Variants in CFH observed in about 807,000 individuals in gnomAD.
The protein encoded by CFH is H factor 1 (complement).
Under a neutral mutation model 147.3 loss-of-function variants are expected in CFH, and 53 were observed. The ratio of observed to expected loss-of-function variants is 0.36; its 90% CI spans 0.29 to 0.45. The LOEUF is 0.45. Ranked by LOEUF, CFH falls within the 20% of genes least tolerant of loss-of-function variation. The pLI is 1.00. For missense variants in CFH, 1,380 were observed against 1,498.0 expected (o/e 0.92, Z 1.30); for synonymous variants, 536 against 489.4 (o/e 1.10, Z -1.26).
intron 6 of CFH, among the ~76,000 whole-genome samples, chr1:196,680,698 C>A (rs1169509806): frequency 1.3e-5 from 2 of 151,816 alleles, no homozygotes; most frequent in East Asian, 3.9e-4. Context: ...TACTGCCATA[C>A]TGTGAGAGAA....
At chr1:196,693,055 T>A (rs1338950920) in intron 9 of CFH, among the ~76,000 whole-genome samples, 2 of 151,938 alleles carry the variant, frequency 1.3e-5, no homozygotes, top group Non-Finnish European at 2.9e-5. Flanking sequence ...TGTCATATAA[T>A]TAACAAGTCT....
At chr1:196,718,773 G>A (rs1002237002) in intron 11 of CFH, among the ~76,000 whole-genome samples, 3 of 152,026 alleles carry the variant, frequency 2.0e-5, no homozygotes, top group Admixed American at 6.6e-5. Flanking sequence ...TTGGAGTGGC[G>A]GACATAGCAG....
chr1:196,655,218 G>T (rs1053993521), intron 1 of CFH, among the ~76,000 whole-genome samples: 1 of 152,102 alleles, frequency 6.6e-6, no homozygotes, highest in Non-Finnish European at 1.5e-5. Flanking sequence ...ATGTTGATGA[G>T]GATAAGAATA....
chr1:196,737,621 T>C lies in CFH; in HGVS notation c.2743T>C (p.Cys915Arg). ...GATATCTGAAGAAAATGAAACAACA[T>C]GCTACATGGGAAAATGGAGTTCTCC... ...FRISEENETT[C>R]YMGKWSSPPQ... The change falls in exon 17 of 22, where the codon TGC (cysteine) becomes CGC (arginine). Residue 915 changes from cysteine (C) to arginine (R), a missense_variant. Cys to Arg is a radical substitution (Grantham distance 180). Transcript: ENST00000367429. The C allele has an allele frequency of 6.2e-7, 1 of 1,613,452 alleles. No homozygotes were observed. The highest frequency in any genetic ancestry group is 8.5e-7 in the Non-Finnish European group (1 of 1,179,616).
chr1:196,689,713 A>G, intron 8 of CFH, 99 bp downstream of exon 8: 2 of 1,322,516 alleles, frequency 1.5e-6, no homozygotes, highest in Non-Finnish European at 2.2e-6. Context: ...TGTAACAGAA[A>G]TAGGGCCAAG....
chr1:196,708,587 C>T (rs1668650143), intron 9 of CFH, among the ~76,000 whole-genome samples: 2 of 147,388 alleles, frequency 1.4e-5, no homozygotes, highest in Admixed American at 1.4e-4. Flanking sequence ...ATCCCTAGTT[C>T]AATTCCATTT....
chr1:196,656,619 A>G (rs1666699795), intron 1 of CFH, among the ~76,000 whole-genome samples: 1 of 150,992 alleles, frequency 6.6e-6, no homozygotes, highest in African/African-American at 2.4e-5. Context: ...TCTTTCGCTC[A>G]TTCATTTTTC....
Position 196,715,759 on chromosome 1 carries a change from C to T in CFH, c.1686C>T (p.Pro562=), listed in dbSNP as rs1167576251. The T allele has an allele frequency of 1.2e-6, 2 of 1,610,948 alleles. No homozygotes were observed. Among genetic ancestry groups the T allele is most frequent in the Non-Finnish European group, 1.7e-6 (2 of 1,177,944 alleles). The change falls in exon 11 of 22, where the codon CCC becomes CCT. Residue 562 remains proline, a synonymous_variant. Coordinates refer to ENST00000367429, the MANE Select transcript of CFH (RefSeq NM_000186.4). ...VCGYNGWSDL[P]ICYERECELP... is the part of the protein sequence containing the mutation. ...GTTACAATGGTTGGTCTGATTTACC[C>T]ATATGTTATGGTAAGTACTGGTTTT...
chr1:196,657,800 T>C (rs1170331899), intron 1 of CFH, among the ~76,000 whole-genome samples: 1 of 151,982 alleles, frequency 6.6e-6, no homozygotes, highest in Middle Eastern at 3.2e-3. Flanking sequence ...TACTGTTTTT[T>C]ATGCACAAAA....
In CFH at chr1:196,737,664, A is replaced by G. The variant is rs756087220; in HGVS notation, c.2782+4A>G. Reference sequence around the variant, plus strand: ...AGTTCTCCACCTCAGTGTGAAGGTTAGGCCAATATGAATACTCAATTTCTG... The same window carrying G: ...AGTTCTCCACCTCAGTGTGAAGGTTGGGCCAATATGAATACTCAATTTCTG... On this transcript the variant is annotated splice_donor_region_variant and intron_variant, in intron 17 of 21. Coordinates refer to ENST00000367429, the MANE Select transcript of CFH (RefSeq NM_000186.4). The G allele has an allele frequency of 1.9e-6, 3 of 1,612,010 alleles. No homozygotes were observed. The Admixed American group carries it at 5.0e-5, about 27-fold the overall frequency.
rs540046970 is a variant in CFH at position 196,727,888 on chromosome 1, G to C, written c.2237-458G>C. Among the ~76,000 whole-genome samples, 11 of 152,218 alleles carry C rather than the reference G, an allele frequency of 7.2e-5. No individual in the cohort carries two copies. The South Asian group carries it at 1.0e-3, about 14-fold the overall frequency. On this transcript the variant is annotated intron_variant, in intron 14 of 21. Coordinates refer to ENST00000367429, the MANE Select transcript of CFH (RefSeq NM_000186.4). Reference sequence around the variant, plus strand: ...AATCTCATGTCTTGATCAGCAAGAAGGCAAGGTGATTCACTTACAGTGTGA... The same window carrying C: ...AATCTCATGTCTTGATCAGCAAGAACGCAAGGTGATTCACTTACAGTGTGA...
intron 1 of CFH, among the ~76,000 whole-genome samples, chr1:196,669,981 G>C (rs1250828000): frequency 6.6e-6 from 1 of 152,180 alleles, no homozygotes; most frequent in Non-Finnish European, 1.5e-5. Context: ...CTCACCTCTT[G>C]CATCAGTGTG....
At position 196,676,172 on chromosome 1, in the gene CFH, G is replaced by GT. The variant is rs35108970; in HGVS notation, c.427+116dup. 3,458 of 633,368 alleles carry GT rather than the reference G, an allele frequency of 5.5e-3. 14 individuals carry two copies. Among genetic ancestry groups the GT allele is most frequent in the African/African-American group, 0.024 (1,269 of 51,850 alleles). The allele number at this position is 633,368 out of a possible 1,614,324, so 39.2% of individuals were successfully genotyped here. On this transcript the variant is annotated intron_variant, in intron 4 of 21. Transcript: ENST00000367429. ...TCTCTATTAAATATTTTTATTTAATGTTTTTTTTTCTCATACAATGTAGAG... is the reference window on the plus strand; with the variant it reads ...TCTCTATTAAATATTTTTATTTAATGTTTTTTTTTTCTCATACAATGTAGAG...
At position 196,674,082 on chromosome 1, in the gene CFH, T is replaced by C. The variant is rs763295728; in HGVS notation, c.350+120T>C. On this transcript the variant is annotated intron_variant, in intron 3 of 21. Transcript: ENST00000367429. ...AGCATTTAAAAAAGTAATACACAAG[T>C]ACCTGAAAGTTTAACTATGATGGAA... is the stretch of plus-strand genomic sequence containing the variant. 4 of 695,896 alleles carry C rather than the reference T, an allele frequency of 5.7e-6. 1 individual carries two copies. Among genetic ancestry groups the C allele is most frequent in the Admixed American group, 5.2e-5 (2 of 38,294 alleles). The allele number at this position is 695,896 out of a possible 1,614,324, so 43.1% of individuals were successfully genotyped here.
intron 15 of CFH, among the ~76,000 whole-genome samples, chr1:196,733,060 CTT>C (rs1669316603): frequency 6.6e-6 from 1 of 151,972 alleles, no homozygotes; most frequent in South Asian, 2.1e-4. Flanking sequence ...GAGACGATCT[CTT>C]GAGTTGGAGC....
At chr1:196,655,051 T>C (rs1666639074) in intron 1 of CFH, among the ~76,000 whole-genome samples, 1 of 152,198 alleles carries the variant, frequency 6.6e-6, no homozygotes, top group Non-Finnish European at 1.5e-5. Context: ...AATATTACTA[T>C]AATTTCAACC....
In CFH at chr1:196,737,551, T is replaced by C. The variant is rs1669435853; in HGVS notation, c.2673T>C (p.Tyr891=). The C allele has an allele frequency of 6.2e-7, 1 of 1,613,286 alleles. No homozygotes were observed. Among genetic ancestry groups the C allele is most frequent in the Admixed American group, 1.7e-5 (1 of 59,970 alleles). The stretch of plus-strand genomic sequence containing the variant: ...CATCCAGGTCTTCACAAGAAAGTTA[T>C]GCACATGGGACTAAATTGAGTTATA... ...INSSRSSQES[Y]AHGTKLSYTC... is the part of the protein sequence containing the mutation. The change falls in exon 17 of 22, where the codon TAT becomes TAC. Residue 891 remains tyrosine, a synonymous_variant. Coordinates refer to ENST00000367429, the MANE Select transcript of CFH (RefSeq NM_000186.4).
intron 11 of CFH, among the ~76,000 whole-genome samples, chr1:196,719,620 T>A (rs1201549284): frequency 1.3e-5 from 2 of 151,858 alleles, no homozygotes; most frequent in Non-Finnish European, 2.9e-5. Flanking sequence ...TTCTAGCTTG[T>A]ACTTTTCTAA....
chr1:196,714,658 TATATATATATAGAGAG>T (rs1260589117), intron 10 of CFH, among the ~76,000 whole-genome samples: 6 of 47,476 alleles, frequency 1.3e-4, no homozygotes, highest in East Asian at 5.6e-4. Context: ...TATATATATA[TATATATATATAGAGAG>T]AGAGAGAGAG....
Sources: allele counts gnomAD v4.1 joint callset (sites outside exome capture counted in the v4.1 genomes callset), GRCh38; gene constraint gnomAD v4.1.1; transcripts MANE v1.5; gene names NCBI Gene and HGNC (gene_info 2026-07-23, HGNC 2026-07-21).